SEMA3B: variants seen among roughly 807,000 people sequenced by gnomAD.
The protein encoded by SEMA3B is semaphorin-3B.
SEMA3B carries 71 observed loss-of-function variants against 77.8 expected under a neutral mutation model. The ratio of observed to expected loss-of-function variants is 0.91; its 90% CI spans 0.75 to 1.11. The LOEUF (loss-of-function observed/expected upper bound fraction) is 1.11, where lower values mean the gene tolerates loss of function less well. SEMA3B is among the 50% of genes most tolerant of loss of function. The pLI is 0.00. For missense variants in SEMA3B, 968 were observed against 1,056.8 expected (o/e 0.92, Z 1.17); for synonymous variants, 470 against 452.9 (o/e 1.04, Z -0.48).
Position 50,271,461 on chromosome 3 carries a change from C to A in SEMA3B, c.645C>A (p.His215Gln), listed in dbSNP as rs373438868. The A allele has an allele frequency of 1.3e-6, 2 of 1,570,296 alleles. No homozygotes were observed. Residue 215 changes from histidine (H) to glutamine (Q), a missense_variant, in exon 6 of 17, where the codon CAC becomes CAA. Transcript: ENST00000616701. ...GQRPSLRTEP[H>Q]DSRWLNEPKF... Reference sequence around the variant, plus strand: ...GTCCAAGTCTCCGAACAGAGCCACACGACTCCCGCTGGCTCAATGGTGAGA... The same window carrying A: ...GTCCAAGTCTCCGAACAGAGCCACAAGACTCCCGCTGGCTCAATGGTGAGA...
In SEMA3B at chr3:50,276,273, C is replaced by T; in HGVS notation, c.1846-29C>T. On this transcript the variant is annotated intron_variant, in intron 16 of 16. Transcript: ENST00000616701. The surrounding 1 kb of genome is among the most constrained non-coding windows in gnomAD (Gnocchi z 5.8). ...GGAAGCCCTGTTCCCGGCCCGACAC[C>T]CCCGCCTCACGCTGCCCTCTGCCCG... is the stretch of plus-strand genomic sequence containing the variant. The T allele has an allele frequency of 1.4e-6, 2 of 1,454,160 alleles. No individual in the cohort carries two copies. The highest frequency in any genetic ancestry group is 1.8e-6 in the Non-Finnish European group (2 of 1,107,386). The allele number at this position is 1,454,160 out of a possible 1,614,324, so 90.1% of individuals were successfully genotyped here.
chr3:50,268,884 C>A (rs1434915328), upstream of SEMA3B: 3 of 278,722 alleles, frequency 1.1e-5, no homozygotes, highest in Non-Finnish European at 2.1e-5. Flanking sequence ...GTGGGTGGCA[C>A]ATTGTGAATT....
Position 50,274,814 on chromosome 3 carries a change from A to G in SEMA3B, c.1358-29A>G, listed in dbSNP as rs909996189. The G allele has an allele frequency of 6.2e-7, 1 of 1,605,668 alleles. No homozygotes were observed. The highest frequency in any genetic ancestry group is 1.3e-5 in the African/African-American group (1 of 74,904). On this transcript the variant is annotated intron_variant, in intron 11 of 16. Transcript: ENST00000616701. This position sits in a 1 kb window ranked among gnomAD's most constrained non-coding sequence, Gnocchi z 4.7. ...TAGCCCCAGCTGTCCGGGAGCACCA[A>G]TGGTCATTACCCCTTCTCATCCCTG...
chr3:50,270,768 GCC>G lies in SEMA3B; in HGVS notation c.331-120_331-119del. 6.8e-7 allele frequency: 1 copy of G among 1,464,746 alleles called. No homozygotes were observed. The highest frequency in any genetic ancestry group is 9.2e-7 in the Non-Finnish European group (1 of 1,087,664). 90.7% of individuals were successfully genotyped at this position (1,464,746 alleles called of 1,614,324 possible). A position where few individuals can be genotyped will look rare whatever the true frequency, so the allele number is the denominator to read the frequency against. On this transcript the variant is annotated intron_variant, in intron 3 of 16. Transcript: ENST00000616701. This position sits in a 1 kb window ranked among gnomAD's most constrained non-coding sequence, Gnocchi z 4.7. ...CAGCAAGGGCCCCCAGGTCCCTGTA[GCC>G]CATGTTAGTACTTGCCTGGGCTGAT...
Position 50,273,799 on chromosome 3 carries a change from G to A in SEMA3B, c.963G>A (p.Pro321=), listed in dbSNP as rs1701129309. ...TGTCCTCGCGGGACCACCGGACCCCGCTGCTCTATGCCGTCTTCTCCACGT... is the reference window on the plus strand; with the variant it reads ...TGTCCTCGCGGGACCACCGGACCCCACTGCTCTATGCCGTCTTCTCCACGT... ...FLLSSRDHRT[P]LLYAVFSTSS... The change falls in exon 9 of 17, where the codon CCG becomes CCA. Residue 321 remains proline (P), a synonymous_variant. Coordinates refer to ENST00000616701, the MANE Select transcript of SEMA3B (RefSeq NM_001290060.2). The surrounding 1 kb of genome is among the most constrained non-coding windows in gnomAD (Gnocchi z 6.5). The A allele has an allele frequency of 6.3e-7, 1 of 1,587,090 alleles. No homozygotes were observed. The highest frequency in any genetic ancestry group is 8.6e-7 in the Non-Finnish European group (1 of 1,168,268).
chr3:50,265,200 T>C (rs1700876133), upstream of SEMA3B, among the ~76,000 whole-genome samples: 1 of 152,068 alleles, frequency 6.6e-6, no homozygotes, highest in Non-Finnish European at 1.5e-5. Context: ...CAGGTGATGA[T>C]CCTATGGCCG....
chr3:50,271,644 C>T (rs1272105110), intron 6 of SEMA3B, among the ~76,000 whole-genome samples, 164 bp downstream of exon 6: 1 of 152,078 alleles, frequency 6.6e-6, no homozygotes, highest in African/African-American at 2.4e-5. Context: ...CAGGTATGAC[C>T]GTGACCTCTT....
chr3:50,269,202 C>T lies in SEMA3B; in HGVS notation c.-39C>T, dbSNP rs997991819. 1.4e-6 allele frequency: 2 copies of T among 1,442,852 alleles called. No homozygotes were observed. The highest frequency in any genetic ancestry group is 2.8e-5 in the African/African-American group (2 of 71,304). 89.4% of individuals were successfully genotyped at this position (1,442,852 alleles called of 1,614,324 possible). A position where few individuals can be genotyped will look rare whatever the true frequency, so the allele number is the denominator to read the frequency against. Reference sequence around the variant, plus strand: ...CAGGGCAGCTCAAGGCTCCTCCACACACACACCCGCTGAACCCTGAGCACC... The same window carrying T: ...CAGGGCAGCTCAAGGCTCCTCCACATACACACCCGCTGAACCCTGAGCACC... On this transcript the variant is annotated 5_prime_UTR_variant, in exon 1 of 17. Transcript: ENST00000616701. The surrounding 1 kb of genome is among the most constrained non-coding windows in gnomAD (Gnocchi z 4.0).
Position 50,273,909 on chromosome 3 carries a change from C to G in SEMA3B, c.993-4C>G. The stretch of plus-strand genomic sequence containing the variant: ...CCTCACCTCGCCCTGGTCTTCGCCT[C>G]CAGCAGCATCTTCCAGGGCTCTGCG... On this transcript the variant is annotated splice_polypyrimidine_tract_variant and splice_region_variant and intron_variant, in intron 9 of 16. Transcript: ENST00000616701. The surrounding 1 kb of genome is among the most constrained non-coding windows in gnomAD (Gnocchi z 6.5). 6.3e-7 allele frequency: 1 copy of G among 1,597,842 alleles called. No homozygotes were observed. Among genetic ancestry groups the G allele is most frequent in the Admixed American group, 1.7e-5 (1 of 58,082 alleles).
chr3:50,273,351 G>C lies in SEMA3B; in HGVS notation c.718G>C (p.Asp240His). The C allele has an allele frequency of 6.2e-7, 1 of 1,613,978 alleles. No individual in the cohort carries two copies. Among genetic ancestry groups the C allele is most frequent in the Non-Finnish European group, 8.5e-7 (1 of 1,179,864 alleles). Residue 240 changes from aspartate (D) to histidine (H), a missense_variant, in exon 7 of 17, where the codon GAC becomes CAC. Asp to His is a moderately conservative substitution (Grantham distance 81, BLOSUM62 -1). Transcript: ENST00000616701. This position sits in a 1 kb window ranked among gnomAD's most constrained non-coding sequence, Gnocchi z 6.5. ...WIPESENPDD[D>H]KIYFFFRETA... is the part of the protein sequence containing the mutation. Reference sequence around the variant, plus strand: ...CCCGGAGAGCGAGAACCCAGACGACGACAAAATCTACTTCTTCTTTCGTGA... The same window carrying C: ...CCCGGAGAGCGAGAACCCAGACGACCACAAAATCTACTTCTTCTTTCGTGA...
upstream of SEMA3B, among the ~76,000 whole-genome samples, chr3:50,268,135 C>T (rs1700948731): frequency 6.6e-6 from 1 of 152,128 alleles, no homozygotes; most frequent in Non-Finnish European, 1.5e-5. Context: ...TCAGCGAGGC[C>T]AGGAGGCTGG....
At position 50,276,474 on chromosome 3, in the gene SEMA3B, G is replaced by C; in HGVS notation, c.2018G>C (p.Arg673Pro). 6 of 1,531,242 alleles carry C rather than the reference G, an allele frequency of 3.9e-6. No individual in the cohort carries two copies. Among genetic ancestry groups the C allele is most frequent in the Non-Finnish European group, 5.2e-6 (6 of 1,143,494 alleles). 94.9% of individuals were successfully genotyped at this position (1,531,242 alleles called of 1,614,324 possible). Residue 673 changes from arginine (R) to proline (P), a missense_variant, in exon 17 of 17, where the codon CGG becomes CCG. By Grantham distance (103) the Arg-to-Pro change is moderately radical. Transcript: ENST00000616701. This position sits in a 1 kb window ranked among gnomAD's most constrained non-coding sequence, Gnocchi z 5.8. ...LSATQAERLA[R>P]AEEAAPAAPP... is the part of the protein sequence containing the mutation. ...GCTACGCAGGCCGAACGACTGGCGCGGGCCGAGGAGGCTGCGCCCGCCGCG... is the reference window on the plus strand; with the variant it reads ...GCTACGCAGGCCGAACGACTGGCGCCGGCCGAGGAGGCTGCGCCCGCCGCG...
Position 50,271,232 on chromosome 3 carries a change from C to T in SEMA3B, c.544+51C>T, listed in dbSNP as rs191021982. ...GAGAACCCCTTAGAAACTCTAGAACCTCACAAAGTCCCAAGACCCCCAAGA... is the reference window on the plus strand; with the variant it reads ...GAGAACCCCTTAGAAACTCTAGAACTTCACAAAGTCCCAAGACCCCCAAGA... On this transcript the variant is annotated intron_variant, in intron 5 of 16. Coordinates refer to ENST00000616701, the MANE Select transcript of SEMA3B (RefSeq NM_001290060.2). 1.9e-4 allele frequency: 296 copies of T among 1,548,554 alleles called. 1 individual carries two copies. The African/African-American group carries it at 3.6e-3, about 19-fold the overall frequency.
In SEMA3B at chr3:50,275,578, C is replaced by T. The variant is rs1553706435; in HGVS notation, c.1668C>T (p.Asp556=). ...PSAKRRFRRQ[D]VRNGDPSTLC... Reference sequence around the variant, plus strand: ...CCCACAGGCGGTTCCGGCGGCAAGACGTAAGGAATGGCGACCCCAGCACGT... The same window carrying T: ...CCCACAGGCGGTTCCGGCGGCAAGATGTAAGGAATGGCGACCCCAGCACGT... Residue 556 remains aspartate (D), a synonymous_variant, in exon 15 of 17, where the codon GAC becomes GAT. Transcript: ENST00000616701. The surrounding 1 kb of genome is among the most constrained non-coding windows in gnomAD (Gnocchi z 7.5). 1 of 1,613,686 alleles carries T rather than the reference C, an allele frequency of 6.2e-7. No homozygotes were observed. Among genetic ancestry groups the T allele is most frequent in the South Asian group, 1.1e-5 (1 of 91,084 alleles).
rs1575465952 is a variant in SEMA3B at position 50,269,379 on chromosome 3, A to T, written c.109+30A>T. On this transcript the variant is annotated intron_variant, in intron 1 of 16. Coordinates refer to ENST00000616701, the MANE Select transcript of SEMA3B (RefSeq NM_001290060.2). The surrounding 1 kb of genome is among the most constrained non-coding windows in gnomAD (Gnocchi z 4.0). Reference sequence around the variant, plus strand: ...GTGCACCTGGCAGGCGGGAGGGCCCAGCTTGAGGTGGGCAGGAAAGGGTCC... The same window carrying T: ...GTGCACCTGGCAGGCGGGAGGGCCCTGCTTGAGGTGGGCAGGAAAGGGTCC... The T allele has an allele frequency of 7.5e-7, 1 of 1,328,264 alleles. No individual in the cohort carries two copies. The highest frequency in any genetic ancestry group is 2.5e-5 in the East Asian group (1 of 39,266). The allele number at this position is 1,328,264 out of a possible 1,614,324, so 82.3% of individuals were successfully genotyped here. A position where few individuals can be genotyped will look rare whatever the true frequency, so the allele number is the denominator to read the frequency against.
chr3:50,276,027 G>A lies in SEMA3B; in HGVS notation c.1845+183G>A. Reference sequence around the variant, plus strand: ...TTGCGTCCAACGGGGCTCCCGACCCGCCTCCCCTGAATCAAGGAGAAGACC... The same window carrying A: ...TTGCGTCCAACGGGGCTCCCGACCCACCTCCCCTGAATCAAGGAGAAGACC... On this transcript the variant is annotated intron_variant, in intron 16 of 16. Coordinates refer to ENST00000616701, the MANE Select transcript of SEMA3B (RefSeq NM_001290060.2). The surrounding 1 kb of genome is among the most constrained non-coding windows in gnomAD (Gnocchi z 5.8). 1 of 909,870 alleles carries A rather than the reference G, an allele frequency of 1.1e-6. No homozygotes were observed. The highest frequency in any genetic ancestry group is 1.7e-5 in the African/African-American group (1 of 59,110). The allele number at this position is 909,870 out of a possible 1,614,324, so 56.4% of individuals were successfully genotyped here. A position where few individuals can be genotyped will look rare whatever the true frequency, so the allele number is the denominator to read the frequency against.
chr3:50,275,697 GC>G lies in SEMA3B; in HGVS notation c.1706-4del. On this transcript the variant is annotated splice_region_variant and splice_polypyrimidine_tract_variant and intron_variant, in intron 15 of 16. Transcript: ENST00000616701. This position sits in a 1 kb window ranked among gnomAD's most constrained non-coding sequence, Gnocchi z 7.5. ...CTTGCCTAAATCTGACTTTCTTCTC[GC>G]CCCAAGACTCGTCTCGTCCCGCGCT... is the stretch of plus-strand genomic sequence containing the variant. The G allele has an allele frequency of 1.9e-6, 3 of 1,611,668 alleles. No homozygotes were observed.
In SEMA3B at chr3:50,270,905, T is replaced by C. The variant is rs1277529758; in HGVS notation, c.346T>C (p.Phe116Leu). 1.2e-6 allele frequency: 2 copies of C among 1,608,002 alleles called. No individual in the cohort carries two copies. Among genetic ancestry groups the C allele is most frequent in the Non-Finnish European group, 1.7e-6 (2 of 1,177,314 alleles). Reference protein sequence around the residue: ...GKDIGTECMNFVKLLHAYNRT... With the variant: ...GKDIGTECMNLVKLLHAYNRT... ...ACCCTACTAGACTGAGTGCATGAAC[T>C]TCGTGAAGTTGCTGCATGCCTACAA... The change falls in exon 4 of 17, where the codon TTC becomes CTC. Residue 116 changes from phenylalanine to leucine, a missense_variant. Physicochemically the swap from Phe to Leu is conservative, Grantham distance 22. Coordinates refer to ENST00000616701, the MANE Select transcript of SEMA3B (RefSeq NM_001290060.2). The surrounding 1 kb of genome is among the most constrained non-coding windows in gnomAD (Gnocchi z 4.7).
Position 50,276,888 on chromosome 3 carries a change from C to G in SEMA3B, c.*182C>G. The G allele has an allele frequency of 1.4e-6, 1 of 690,474 alleles. No homozygotes were observed. Among genetic ancestry groups the G allele is most frequent in the Non-Finnish European group, 2.2e-6 (1 of 457,668 alleles). 42.8% of individuals were successfully genotyped at this position (690,474 alleles called of 1,614,324 possible). On this transcript the variant is annotated 3_prime_UTR_variant, in exon 17 of 17. Transcript: ENST00000616701. The surrounding 1 kb of genome is among the most constrained non-coding windows in gnomAD (Gnocchi z 5.8). ...GGGCTTATTTATTAACAGGATAACC[C>G]TTGAATGTAGCAGCCCCGGGAGGGC...
Sources: gnomAD v4.1 joint callset for allele counts (sites outside exome capture counted in the v4.1 genomes callset) on GRCh38, gnomAD v4.1.1 for gene constraint, Gnocchi (gnomAD v3.1) non-coding constraint, MANE v1.5 for transcripts, NCBI Gene and HGNC (gene_info 2026-07-23, HGNC 2026-07-21) for gene names.